The following PLXDC2 variants were observed in gnomAD, a reference collection of about 807,000 sequenced individuals.
The protein encoded by PLXDC2 is plexin domain-containing protein 2.
PLXDC2 carries 40 observed loss-of-function variants against 68.9 expected under a neutral mutation model. The observed-to-expected ratio is 0.58, with a 90% CI of 0.45 to 0.76. PLXDC2 has a LOEUF of 0.76. Among genes scored for constraint, PLXDC2 ranks in the 30% least tolerant of loss-of-function variants. The pLI is 0.00. For synonymous variants in PLXDC2, 243 were observed against 234.2 expected, an observed-to-expected ratio of 1.04 and a Z score of -0.34; for missense variants, 644 against 661.9, an observed-to-expected ratio of 0.97 and a Z score of 0.30.
intron 4 of PLXDC2, among the ~76,000 whole-genome samples, chr10:20,105,914 A>G (rs1833485524): frequency 6.6e-6 from 1 of 152,270 alleles, no homozygotes; most frequent in Admixed American, 6.5e-5. Flanking sequence ...AAATTAGACC[A>G]TCAATAAAGC....
chr10:20,040,571 C>A (rs1193523821), intron 2 of PLXDC2, among the ~76,000 whole-genome samples: 3 of 152,206 alleles, frequency 2.0e-5, no homozygotes, highest in South Asian at 2.1e-4. Context: ...TGGAGGATAC[C>A]CTTTCCATTG....
At chr10:20,072,214 A>C (rs1362422273) in intron 4 of PLXDC2, among the ~76,000 whole-genome samples, 3 of 151,432 alleles carry the variant, frequency 2.0e-5, no homozygotes, top group African/African-American at 7.3e-5. Flanking sequence ...TACTGAAAAA[A>C]ACAAAATTAG....
intron 7 of PLXDC2, among the ~76,000 whole-genome samples, chr10:20,165,872 A>G (rs1236511041): frequency 6.6e-6 from 1 of 152,110 alleles, no homozygotes; most frequent in East Asian, 1.9e-4. Context: ...ATCTGTTGAA[A>G]GCTTCTGGTT....
At chr10:19,868,281 C>A (rs952345932) in intron 1 of PLXDC2, among the ~76,000 whole-genome samples, 1 of 152,086 alleles carries the variant, frequency 6.6e-6, no homozygotes, top group Non-Finnish European at 1.5e-5. Flanking sequence ...CACCCGCCAC[C>A]CTCAATAGTC....
At position 19,843,106 on chromosome 10, in the gene PLXDC2, G is replaced by A. The variant is rs74988915; in HGVS notation, c.112+25915G>A. ...ACCGGACCCCTAATGTCTTTACAAC[G>A]ATCTGCCACTGTATCTACAGCATTT... On this transcript the variant is annotated intron_variant, in intron 1 of 13. Transcript: ENST00000377252. 2.4e-3 allele frequency among the ~76,000 whole-genome samples: 351 copies of A among 146,212 alleles called. 7 individuals are homozygous for A. The East Asian group carries it at 0.042, about 18-fold the overall frequency.
rs1418617535 is a variant in PLXDC2 at position 20,085,019 on chromosome 10, T to A, written c.541+16780T>A. On this transcript the variant is annotated intron_variant, in intron 4 of 13. Transcript: ENST00000377252. ...CAATAAATATCTTGCCTTTTTCATA[T>A]GTAAATGGCACAACCCTCGGGTCAA... 2.6e-5 allele frequency among the ~76,000 whole-genome samples: 4 copies of A among 152,112 alleles called. No homozygotes were observed. In the East Asian group the frequency reaches 5.8e-4, roughly 22 times the overall value.
intron 1 of PLXDC2, among the ~76,000 whole-genome samples, chr10:19,821,544 T>A (rs1221592492): frequency 6.6e-6 from 1 of 152,236 alleles, no homozygotes; most frequent in Non-Finnish European, 1.5e-5. Context: ...CAGGGTCTGT[T>A]GTCATTTATT....
At chr10:20,146,218 G>C (rs1458089574) in intron 5 of PLXDC2, among the ~76,000 whole-genome samples, 1 of 151,898 alleles carries the variant, frequency 6.6e-6, no homozygotes, top group East Asian at 1.9e-4. Flanking sequence ...CATGTGTGAA[G>C]GAAAAAGAAG....
chr10:20,098,986 G>T (rs936620325), intron 4 of PLXDC2, among the ~76,000 whole-genome samples: 9 of 152,048 alleles, frequency 5.9e-5, no homozygotes, highest in African/African-American at 2.2e-4. Context: ...AAGTGACACA[G>T]CTAAGAATGG....
At chr10:20,218,184 T>C (rs566466823) in intron 11 of PLXDC2, among the ~76,000 whole-genome samples, 1 of 152,154 alleles carries the variant, frequency 6.6e-6, no homozygotes, top group South Asian at 2.1e-4. Context: ...TTACCCAACA[T>C]ACGATAATTT....
In PLXDC2 at chr10:20,102,994, G is replaced by A. The variant is rs1034319298; in HGVS notation, c.541+34755G>A. On this transcript the variant is annotated intron_variant, in intron 4 of 13. Coordinates refer to ENST00000377252, the MANE Select transcript of PLXDC2 (RefSeq NM_032812.9). ...AGACTGAGAAACAGCAGCCAATGAG[G>A]TGGGAAGAAAACCAAGAGTGCAGTG... 1.1e-3 allele frequency among the ~76,000 whole-genome samples: 166 copies of A among 152,120 alleles called. 2 individuals carry two copies. Among genetic ancestry groups the A allele is most frequent in the Non-Finnish European group, 4.6e-4 (31 of 68,018 alleles).
chr10:20,023,967 C>A (rs1159042621), intron 2 of PLXDC2, among the ~76,000 whole-genome samples: 1 of 152,020 alleles, frequency 6.6e-6, no homozygotes, highest in African/African-American at 2.4e-5. Context: ...ACTGCCAGGA[C>A]ATTGATTTTC....
chr10:20,120,941 G>T (rs558479862), intron 4 of PLXDC2, among the ~76,000 whole-genome samples: 1 of 152,296 alleles, frequency 6.6e-6, no homozygotes, highest in African/African-American at 2.4e-5. Context: ...TGATCAGGAT[G>T]AGGAACAGGA....
At chr10:20,105,319 A>G (rs1470116825) in intron 4 of PLXDC2, among the ~76,000 whole-genome samples, 1 of 152,220 alleles carries the variant, frequency 6.6e-6, no homozygotes, top group African/African-American at 2.4e-5. Context: ...GCTTGAAGAT[A>G]TAACCACAAT....
intron 13 of PLXDC2, among the ~76,000 whole-genome samples, chr10:20,257,993 CTTTCTTTTTTTTTTTTTTTTT>C (rs1254596034): frequency 2.1e-5 from 2 of 93,074 alleles, no homozygotes; most frequent in Non-Finnish European, 2.1e-5. Flanking sequence ...TCTTTTTTTT[CTTTCTTTTTTTTTTTTTTTTT>C]TTTTTGAGAC....
chr10:19,886,774 G>A (rs185424108), intron 1 of PLXDC2, among the ~76,000 whole-genome samples: 2 of 152,244 alleles, frequency 1.3e-5, no homozygotes, highest in Admixed American at 6.5e-5. Flanking sequence ...GTTCTGGCCA[G>A]GGCAATAAAT....
At chr10:19,918,143 C>T (rs1230952051) in intron 1 of PLXDC2, among the ~76,000 whole-genome samples, 1 of 152,158 alleles carries the variant, frequency 6.6e-6, no homozygotes, top group Non-Finnish European at 1.5e-5. Flanking sequence ...GCCAGAAGAG[C>T]TGAGCAGGTC....
intron 6 of PLXDC2, among the ~76,000 whole-genome samples, chr10:20,148,259 T>G (rs1036119451): frequency 9.5e-6 from 1 of 105,278 alleles, no homozygotes; most frequent in Non-Finnish European, 2.0e-5. Flanking sequence ...GTATTTTCTT[T>G]AGTTAGTTTT....
chr10:20,022,126 A>G (rs910889230), intron 2 of PLXDC2, among the ~76,000 whole-genome samples: 2 of 152,232 alleles, frequency 1.3e-5, no homozygotes, highest in Non-Finnish European at 2.9e-5. Context: ...ATTCTCCTCT[A>G]TATATCTGTT....
Sources: allele counts gnomAD v4.1 joint callset (sites outside exome capture counted in the v4.1 genomes callset), GRCh38; gene constraint gnomAD v4.1.1; transcripts MANE v1.5; gene names NCBI Gene and HGNC (gene_info 2026-07-23, HGNC 2026-07-21).